The following FAM86B1 variants were observed in gnomAD, a reference collection of about 807,000 sequenced individuals.
FAM86B1 encodes the protein family with sequence similarity 86 member B1 (gene/pseudogene).
For missense variants in FAM86B1, 13 were observed against 328.1 expected, an observed-to-expected ratio of 0.04 and a Z score of 7.42; for synonymous variants, 4 against 137.6, an observed-to-expected ratio of 0.03 and a Z score of 6.79.
chr8:12,190,854 T>G (rs868357514), intron 2 of FAM86B1, among the ~76,000 whole-genome samples: 3,037 of 95,654 alleles, frequency 0.032, no homozygotes, highest in Middle Eastern at 0.047. Flanking sequence ...CCCAAAGACC[T>G]GGGATTACAG....
At chr8:12,193,006 G>T (rs2150758277) in intron 1 of FAM86B1, among the ~76,000 whole-genome samples, 1 of 143,168 alleles carries the variant, frequency 7.0e-6, no homozygotes, top group East Asian at 2.0e-4. Context: ...CTGTCTCCTG[G>T]GTCTGAACTC....
chr8:12,191,607 C>T (rs1234738256), intron 2 of FAM86B1, among the ~76,000 whole-genome samples, 172 bp downstream of exon 2: 4 of 140,910 alleles, frequency 2.8e-5, no homozygotes, highest in Admixed American at 7.0e-5. Context: ...AAAACGAAAC[C>T]GTAGGAGCTG....
At chr8:12,193,001 T>A (rs1159196637) in intron 1 of FAM86B1, among the ~76,000 whole-genome samples, 31 of 143,460 alleles carry the variant, frequency 2.2e-4, no homozygotes, top group Non-Finnish European at 4.3e-4. Context: ...GCAGGCTGTC[T>A]CCTGGGTCTG....
rs1220682318 is a variant in FAM86B1 at position 12,186,527 on chromosome 8, A to G, written c.465T>C (p.Pro155=). ...CRPRAYIFSD[P]HSRVLEQLRG... ...GGAGCTGCTCGAGGACCCGGCTGTG[A>G]GGGTCGCTGAAGATGTATGCCCGGG... is the stretch of plus-strand genomic sequence containing the variant. The change falls in exon 5 of 7, where the codon CCT becomes CCC. Residue 155 remains proline, a synonymous_variant. Transcript: ENST00000448228. The G allele has an allele frequency of 6.2e-7, 1 of 1,611,360 alleles. No homozygotes were observed. Among genetic ancestry groups the G allele is most frequent in the South Asian group, 1.1e-5 (1 of 90,930 alleles).
At chr8:12,192,478 G>C (rs1452355971) in intron 1 of FAM86B1, among the ~76,000 whole-genome samples, 1 of 128,414 alleles carries the variant, frequency 7.8e-6, no homozygotes, top group Admixed American at 7.6e-5. Context: ...TTCCACAACA[G>C]GGCCTTTGCA....
upstream of FAM86B1, chr8:12,194,817 C>G (rs1288990657): frequency 1.3e-5 from 2 of 150,714 alleles, no homozygotes; most frequent in African/African-American, 2.6e-5. Flanking sequence ...GGGGCCGAGA[C>G]GGAGCGAGGG....
At chr8:12,186,090 CAG>C in intron 5 of FAM86B1, 1 of 306,718 alleles carries the variant, frequency 3.3e-6, no homozygotes. Flanking sequence ...CTGAAGGACA[CAG>C]GGCATGGCTC....
intron 6 of FAM86B1, among the ~76,000 whole-genome samples, chr8:12,184,171 C>T (rs976538713): frequency 5.2e-5 from 1 of 19,186 alleles, no homozygotes; most frequent in Non-Finnish European, 8.3e-5. Flanking sequence ...ACGTAAGTAT[C>T]TGAAGAAAGA....
At chr8:12,191,013 C>A (rs1806762036) in intron 2 of FAM86B1, among the ~76,000 whole-genome samples, 1 of 148,984 alleles carries the variant, frequency 6.7e-6, no homozygotes, top group African/African-American at 2.5e-5. Flanking sequence ...GAAGCCCTGA[C>A]CTACTGTATT....
chr8:12,182,540 G>C lies in FAM86B1; in HGVS notation c.*1066C>G, dbSNP rs1243631039. On this transcript the variant is annotated 3_prime_UTR_variant, in exon 7 of 7. Transcript: ENST00000448228. ...GTCATCCAAGTGGTGACCTGGGATG[G>C]GGTGGGGACAGGCAATGAGTTAAGC... 6.7e-7 allele frequency: 1 copy of C among 1,503,640 alleles called. No individual in the cohort carries two copies. The highest frequency in any genetic ancestry group is 1.1e-5 in the South Asian group (1 of 87,666). The allele number at this position is 1,503,640 out of a possible 1,614,324, so 93.1% of individuals were successfully genotyped here.
intron 2 of FAM86B1, among the ~76,000 whole-genome samples, chr8:12,191,002 C>T (rs1430265199): frequency 3.4e-5 from 5 of 148,498 alleles, no homozygotes; most frequent in African/African-American, 5.1e-5. Context: ...TCTCCATGCT[C>T]GAAGCCCTGA....
chr8:12,194,763 G>A (rs1171156289), upstream of FAM86B1: 2 of 150,714 alleles, frequency 1.3e-5, no homozygotes, highest in African/African-American at 5.6e-5. Flanking sequence ...TGGGAGGCCG[G>A]TTGGGGCTGG....
intron 6 of FAM86B1, among the ~76,000 whole-genome samples, chr8:12,184,159 T>C: frequency 2.1e-5 from 1 of 46,628 alleles, no homozygotes; most frequent in East Asian, 4.3e-4. Context: ...AGGTTTTTTT[T>C]CACGTAAGTA....
At chr8:12,193,064 GATA>G (rs1420904532) in intron 1 of FAM86B1, among the ~76,000 whole-genome samples, 3 of 144,104 alleles carry the variant, frequency 2.1e-5, no homozygotes, top group South Asian at 2.1e-4. Context: ...AAATGTGAGT[GATA>G]ATAATAGTAC....
At chr8:12,185,067 C>G in intron 6 of FAM86B1, 1 of 810,198 alleles carries the variant, frequency 1.2e-6, no homozygotes, top group East Asian at 3.1e-5. Context: ...CCCCGACTGC[C>G]GCTCCCGCCA....
chr8:12,182,357 C>A lies in FAM86B1; in HGVS notation c.*1249G>T, dbSNP rs1408633643. ...ACCAAGTGTGGGAAAGTGGGACATACGGGGAAGTTTCCAGAAAGCATGATG... is the reference window on the plus strand; with the variant it reads ...ACCAAGTGTGGGAAAGTGGGACATAAGGGGAAGTTTCCAGAAAGCATGATG... On this transcript the variant is annotated 3_prime_UTR_variant, in exon 7 of 7. Coordinates refer to ENST00000448228, the MANE Select transcript of FAM86B1 (RefSeq NM_001083537.4). 4 of 510,104 alleles carry A rather than the reference C, an allele frequency of 7.8e-6. No homozygotes were observed. Among genetic ancestry groups the A allele is most frequent in the Non-Finnish European group, 1.4e-5 (4 of 285,526 alleles). 31.6% of individuals were successfully genotyped at this position (510,104 alleles called of 1,614,324 possible).
At chr8:12,194,917 C>G (rs79070850), upstream of FAM86B1, 5 of 152,410 alleles carry the variant, frequency 3.3e-5, no homozygotes, top group Admixed American at 6.6e-5. Context: ...GGGTTTGAGG[C>G]AGGCCCAGGA....
At chr8:12,189,253 A>AT (rs1237627662) in intron 3 of FAM86B1, among the ~76,000 whole-genome samples, 3 of 118,206 alleles carry the variant, frequency 2.5e-5, no homozygotes, top group Non-Finnish European at 5.2e-5. Flanking sequence ...TCTCAAAAAA[A>AT]ATATATAAAT....
rs1161234692 is a variant in FAM86B1 at position 12,184,136 on chromosome 8, T to A, written c.791-430A>T. On this transcript the variant is annotated intron_variant, in intron 6 of 6. Coordinates refer to ENST00000448228, the MANE Select transcript of FAM86B1 (RefSeq NM_001083537.4). The stretch of plus-strand genomic sequence containing the variant: ...GCTGCTTGGCACTGTTTTTTTCACT[T>A]AAAAGATATTGCAGGTTTTTTTTCA... Among the ~76,000 whole-genome samples the A allele has an allele frequency of 1.1e-4, 6 of 52,220 alleles. 1 individual carries two copies. Among genetic ancestry groups the A allele is most frequent in the African/African-American group, 8.3e-4 (6 of 7,192 alleles). The allele number at this position is 52,220 out of a possible 152,430, so 34.3% of individuals were successfully genotyped here.
Sources: allele counts gnomAD v4.1 joint callset (sites outside exome capture counted in the v4.1 genomes callset), GRCh38; gene constraint gnomAD v4.1.1; transcripts MANE v1.5; gene names NCBI Gene and HGNC (gene_info 2026-07-23, HGNC 2026-07-21).